Variants in ARHGAP15 observed in about 807,000 individuals in gnomAD.
ARHGAP15 encodes rho GTPase-activating protein 15.
In ARHGAP15, 51 loss-of-function variants were observed where a neutral mutation model predicts 63.7. That is an observed-to-expected ratio of 0.80 (90% CI 0.64 to 1.01). The LOEUF is 1.01. Ranked by LOEUF, ARHGAP15 falls within the 50% of genes least tolerant of loss-of-function variation. The pLI is 0.00. For synonymous variants in ARHGAP15, 191 were observed against 193.8 expected (o/e 0.99, Z 0.12); for missense variants, 560 against 564.6 (o/e 0.99, Z 0.08).
chr2:143,422,310 C>A (rs950362461), intron 6 of ARHGAP15, among the ~76,000 whole-genome samples: 1 of 152,018 alleles, frequency 6.6e-6, no homozygotes, highest in Non-Finnish European at 1.5e-5. Context: ...GAGGGAGAAA[C>A]TTACTATACT....
At chr2:143,321,874 C>A (rs968844115) in intron 6 of ARHGAP15, among the ~76,000 whole-genome samples, 1 of 152,130 alleles carries the variant, frequency 6.6e-6, no homozygotes, top group Non-Finnish European at 1.5e-5. Flanking sequence ...GGAGACAGGT[C>A]TCTATGTTGC....
At chr2:143,304,652 G>A (rs902295425) in intron 6 of ARHGAP15, among the ~76,000 whole-genome samples, 6 of 151,976 alleles carry the variant, frequency 3.9e-5, no homozygotes, top group African/African-American at 1.4e-4. Context: ...CCATTTGATT[G>A]TAAATATATT....
intron 8 of ARHGAP15, among the ~76,000 whole-genome samples, chr2:143,461,395 A>G (rs1690934617): frequency 6.6e-6 from 1 of 152,064 alleles, no homozygotes; most frequent in Non-Finnish European, 1.5e-5. Context: ...TACGTTGAAC[A>G]CAACTGTGGG....
chr2:143,539,991 C>G (rs765586956), intron 10 of ARHGAP15, among the ~76,000 whole-genome samples: 6 of 152,092 alleles, frequency 3.9e-5, no homozygotes, highest in Non-Finnish European at 7.4e-5. Context: ...GTTAAAATCT[C>G]CCATTATTAT....
At chr2:143,483,075 C>T (rs1041941606) in intron 8 of ARHGAP15, among the ~76,000 whole-genome samples, 6 of 152,194 alleles carry the variant, frequency 3.9e-5, no homozygotes, top group Non-Finnish European at 8.8e-5. Flanking sequence ...CTGCTAGTTT[C>T]TCAGTATGTA....
chr2:143,472,735 A>T (rs1008141757), intron 8 of ARHGAP15, among the ~76,000 whole-genome samples: 5 of 152,044 alleles, frequency 3.3e-5, no homozygotes, highest in African/African-American at 1.2e-4. Flanking sequence ...GGAGGGGAGG[A>T]CTGTAATCTA....
At chr2:143,532,136 G>T (rs1220395156) in intron 10 of ARHGAP15, among the ~76,000 whole-genome samples, 1 of 152,202 alleles carries the variant, frequency 6.6e-6, no homozygotes, top group Non-Finnish European at 1.5e-5. Flanking sequence ...AATATTGTTA[G>T]GTGGTTACAG....
intron 6 of ARHGAP15, among the ~76,000 whole-genome samples, chr2:143,420,334 G>A (rs1373804814): frequency 6.6e-6 from 1 of 152,162 alleles, no homozygotes; most frequent in Admixed American, 6.6e-5. Flanking sequence ...AGCAATCTTA[G>A]AGCAGCAAGC....
intron 8 of ARHGAP15, among the ~76,000 whole-genome samples, chr2:143,473,452 G>A (rs1338624815): frequency 2.0e-5 from 3 of 152,174 alleles, no homozygotes; most frequent in African/African-American, 7.2e-5. Flanking sequence ...CAAAAATGGG[G>A]AGGGAGTCAG....
Position 143,184,146 on chromosome 2 carries a change from C to A in ARHGAP15, c.166-17988C>A, listed in dbSNP as rs148904252. 4.6e-5 allele frequency among the ~76,000 whole-genome samples: 7 copies of A among 152,158 alleles called. No homozygotes were observed. The East Asian group carries it at 1.4e-3, about 29-fold the overall frequency. On this transcript the variant is annotated intron_variant, in intron 2 of 13. Coordinates refer to ENST00000295095, the MANE Select transcript of ARHGAP15 (RefSeq NM_018460.4). ...AAGCTGAATTGCAAAGAATAGCATTCGACAGGGTGAAGGGTTGCATACACT... is the reference window on the plus strand; with the variant it reads ...AAGCTGAATTGCAAAGAATAGCATTAGACAGGGTGAAGGGTTGCATACACT...
At chr2:143,413,970 C>CGCGCGCGCGCGCGCGT (rs1553476648) in intron 6 of ARHGAP15, among the ~76,000 whole-genome samples, 2 of 55,056 alleles carry the variant, frequency 3.6e-5, no homozygotes, top group African/African-American at 2.3e-4. Flanking sequence ...TGTGTGTGCG[C>CGCGCGCGCGCGCGCGT]GCTCTCTGGC....
intron 12 of ARHGAP15, among the ~76,000 whole-genome samples, chr2:143,629,859 A>ATGTT (rs1698994487): frequency 6.6e-6 from 1 of 152,170 alleles, no homozygotes; most frequent in Non-Finnish European, 1.5e-5. Flanking sequence ...TTCTTACTCC[A>ATGTT]TGTTAGGCAC....
intron 5 of ARHGAP15, among the ~76,000 whole-genome samples, chr2:143,249,588 CTG>C (rs1680039483): frequency 1.3e-5 from 2 of 152,094 alleles, no homozygotes; most frequent in African/African-American, 2.4e-5. Flanking sequence ...GAAAATTTAT[CTG>C]TGGAGAAACT....
At chr2:143,174,800 C>T (rs1351648202) in intron 2 of ARHGAP15, among the ~76,000 whole-genome samples, 2 of 152,132 alleles carry the variant, frequency 1.3e-5, no homozygotes, top group African/African-American at 4.8e-5. Flanking sequence ...TTCATATTCA[C>T]ATTTCCTCCT....
chr2:143,250,624 T>C (rs1268941839), intron 6 of ARHGAP15, 24 bp downstream of exon 6: 1 of 1,573,742 alleles, frequency 6.4e-7, no homozygotes, highest in Non-Finnish European at 8.7e-7. Context: ...ATATATTCAA[T>C]TTATTCCTAT....
intron 8 of ARHGAP15, among the ~76,000 whole-genome samples, chr2:143,448,493 G>C (rs1690249433): frequency 6.6e-6 from 1 of 151,990 alleles, no homozygotes; most frequent in Non-Finnish European, 1.5e-5. Context: ...TATTAGAATA[G>C]ACCATGTACC....
intron 8 of ARHGAP15, among the ~76,000 whole-genome samples, chr2:143,451,986 G>C (rs891350169): frequency 6.6e-6 from 1 of 151,994 alleles, no homozygotes; most frequent in Admixed American, 6.6e-5. Context: ...CAGCAGGAAT[G>C]AACTTGACTT....
intron 8 of ARHGAP15, among the ~76,000 whole-genome samples, chr2:143,452,439 G>C (rs1302682968): frequency 6.6e-6 from 1 of 151,904 alleles, no homozygotes; most frequent in East Asian, 1.9e-4. Flanking sequence ...CATTAAAGGG[G>C]ATCTTAACGG....
intron 11 of ARHGAP15, among the ~76,000 whole-genome samples, chr2:143,604,791 C>A (rs976349311): frequency 2.6e-5 from 4 of 152,168 alleles, no homozygotes; most frequent in African/African-American, 9.7e-5. Context: ...CTCGACTCTG[C>A]GCTTTCTCCT....
Sources: gnomAD v4.1 joint callset for allele counts (sites outside exome capture counted in the v4.1 genomes callset) on GRCh38, gnomAD v4.1.1 for gene constraint, MANE v1.5 for transcripts, NCBI Gene and HGNC (gene_info 2026-07-23, HGNC 2026-07-21) for gene names.